SLIT3: variants seen among roughly 807,000 people sequenced by gnomAD.
The protein encoded by SLIT3 is slit homolog 3 protein.
SLIT3 carries 68 observed loss-of-function variants against 184.0 expected under a neutral mutation model. That is an observed-to-expected ratio of 0.37 (90% confidence interval 0.30 to 0.45). SLIT3 has a LOEUF of 0.45. Ranked by LOEUF, SLIT3 falls within the 20% of genes least tolerant of loss-of-function variation. SLIT3 has a pLI of 1.00. For missense variants in SLIT3, 1,707 were observed against 2,026.0 expected (o/e 0.84, Z 3.02); for synonymous variants, 831 against 828.6 (o/e 1.00, Z -0.05).
intron 1 of SLIT3, among the ~76,000 whole-genome samples, chr5:169,273,035 G>A (rs1766683098): frequency 6.6e-6 from 1 of 152,060 alleles, no homozygotes; most frequent in Admixed American, 6.6e-5. Flanking sequence ...AATAAACTCA[G>A]CACCGACACA....
intron 12 of SLIT3, among the ~76,000 whole-genome samples, chr5:168,777,377 T>C (rs1755799626): frequency 6.6e-6 from 1 of 152,204 alleles, no homozygotes; most frequent in Non-Finnish European, 1.5e-5. Flanking sequence ...TTCTAGCGCA[T>C]ATTAGGCACT....
intron 4 of SLIT3, among the ~76,000 whole-genome samples, chr5:168,908,007 G>GAGAGAGAGAGAGAGAGAGAGAGA (rs1761135025): frequency 2.2e-5 from 3 of 136,798 alleles, no homozygotes; most frequent in African/African-American, 8.1e-5. Flanking sequence ...GAGAGAGAGA[G>GAGAGAGAGAGAGAGAGAGAGAGA]GTGGGGGGTT....
intron 4 of SLIT3, among the ~76,000 whole-genome samples, chr5:169,120,956 T>A (rs183723207): frequency 1.3e-5 from 2 of 152,300 alleles, no homozygotes; most frequent in Non-Finnish European, 1.5e-5. Context: ...TGGTAATTTA[T>A]CATGAAATCT....
At chr5:169,172,789 A>C (rs1559051) in intron 4 of SLIT3, among the ~76,000 whole-genome samples, 31,760 of 152,182 alleles carry the variant, frequency 0.21, 4,450 homozygotes, top group Middle Eastern at 0.35. Context: ...AAAAATAAAA[A>C]TACAATTCCC....
chr5:168,688,256 T>C (rs1304795833), intron 29 of SLIT3, among the ~76,000 whole-genome samples: 1 of 152,002 alleles, frequency 6.6e-6, no homozygotes, highest in Non-Finnish European at 1.5e-5. Context: ...CAGGTAAAAA[T>C]AATAGCCACA....
chr5:168,862,680 T>TG (rs1581156521), intron 5 of SLIT3, among the ~76,000 whole-genome samples: 2 of 144,996 alleles, frequency 1.4e-5, no homozygotes, highest in Non-Finnish European at 3.0e-5. Context: ...TGTTTGTTGT[T>TG]TTTTTTTTTG....
rs528907470 is a variant in SLIT3, at chr5:169,184,623, C to T, written c.413+8856G>A. Among the ~76,000 whole-genome samples the T allele has an allele frequency of 2.0e-5, 3 of 152,248 alleles. No individual in the cohort carries two copies. In the East Asian group the frequency reaches 5.8e-4, roughly 29 times the overall value. On this transcript the variant is annotated intron_variant, in intron 4 of 35. Coordinates refer to ENST00000519560, the MANE Select transcript of SLIT3 (RefSeq NM_003062.4). ...GGGTGCCTATTTACAAAGTCAAATC[C>T]CCCGGTCCATTCCAAATCTAATGAA...
chr5:168,801,282 C>T (rs1366803579), intron 9 of SLIT3, among the ~76,000 whole-genome samples: 1 of 152,176 alleles, frequency 6.6e-6, no homozygotes, highest in African/African-American at 2.4e-5. Context: ...CATTCCAGCT[C>T]TCTGGTTCTG....
intron 4 of SLIT3, among the ~76,000 whole-genome samples, chr5:168,954,178 G>T (rs532221078): frequency 6.6e-6 from 1 of 152,144 alleles, no homozygotes; most frequent in African/African-American, 2.4e-5. Context: ...ATTTGACCTT[G>T]GGCAGGTTAC....
chr5:168,887,997 T>A (rs1760287442), intron 4 of SLIT3, among the ~76,000 whole-genome samples: 2 of 152,190 alleles, frequency 1.3e-5, no homozygotes, highest in South Asian at 4.1e-4. Flanking sequence ...GGGGTAGCCA[T>A]GTTTGATTCT....
chr5:169,284,503 GT>G (rs2113650855), intron 1 of SLIT3, among the ~76,000 whole-genome samples: 1 of 152,268 alleles, frequency 6.6e-6, no homozygotes, highest in South Asian at 2.1e-4. Context: ...AACACAAATT[GT>G]TAACTGTGGC....
At chr5:169,222,369 A>C (rs1764642199) in intron 3 of SLIT3, among the ~76,000 whole-genome samples, 1 of 152,222 alleles carries the variant, frequency 6.6e-6, no homozygotes, top group African/African-American at 2.4e-5. Flanking sequence ...TAGAAGGAAA[A>C]TAATGACTCA....
At chr5:168,875,272 G>A (rs1219421052) in intron 5 of SLIT3, among the ~76,000 whole-genome samples, 1 of 150,482 alleles carries the variant, frequency 6.6e-6, no homozygotes, top group Non-Finnish European at 1.5e-5. Context: ...AGTGAGAAGG[G>A]AAGAAAACAG....
At chr5:169,043,226 G>A (rs570777344) in intron 4 of SLIT3, among the ~76,000 whole-genome samples, 1 of 152,310 alleles carries the variant, frequency 6.6e-6, no homozygotes, top group East Asian at 1.9e-4. Context: ...GCCAAAGTCA[G>A]TTTTGCTTTG....
intron 4 of SLIT3, among the ~76,000 whole-genome samples, chr5:169,129,881 C>T (rs1761233797): frequency 6.6e-6 from 1 of 152,056 alleles, no homozygotes; most frequent in African/African-American, 2.4e-5. Flanking sequence ...TGAAGTCTTG[C>T]TCTGTCACAC....
At chr5:169,140,243 T>A (rs921651216) in intron 4 of SLIT3, among the ~76,000 whole-genome samples, 1 of 136,900 alleles carries the variant, frequency 7.3e-6, no homozygotes, top group African/African-American at 2.8e-5. Context: ...AGTGGGCAGA[T>A]CACGAGGTCA....
intron 23 of SLIT3, 28 bp downstream of exon 23, chr5:168,722,228 G>A: frequency 6.2e-7 from 1 of 1,607,568 alleles, no homozygotes; most frequent in Non-Finnish European, 8.5e-7. Flanking sequence ...CAATGTGTAA[G>A]TCAAAATCAG....
At chr5:169,194,331 C>A (rs1405325181) in intron 3 of SLIT3, among the ~76,000 whole-genome samples, 5 of 147,450 alleles carry the variant, frequency 3.4e-5, no homozygotes, top group Non-Finnish European at 4.5e-5. Context: ...ATTGTGGGAG[C>A]AGATAGTAGT....
At chr5:168,814,805 T>C (rs1285875403) in intron 8 of SLIT3, among the ~76,000 whole-genome samples, 2 of 152,236 alleles carry the variant, frequency 1.3e-5, no homozygotes, top group Non-Finnish European at 2.9e-5. Flanking sequence ...CAGAAGTCTT[T>C]GGAGGGCATG....
Sources: gnomAD v4.1 joint callset for allele counts (sites outside exome capture counted in the v4.1 genomes callset) on GRCh38, gnomAD v4.1.1 for gene constraint, MANE v1.5 for transcripts, NCBI Gene and HGNC (gene_info 2026-07-23, HGNC 2026-07-21) for gene names.